TMEM38B: variants seen among roughly 807,000 people sequenced by gnomAD.
The protein encoded by TMEM38B is transmembrane protein 38B.
Under a neutral mutation model 28.7 loss-of-function variants are expected in TMEM38B, and 24 were observed. The ratio of observed to expected loss-of-function variants is 0.84; its 90% CI spans 0.61 to 1.18. The LOEUF is 1.18. TMEM38B is among the 50% of genes most tolerant of loss of function. The pLI is 0.00. For missense variants in TMEM38B, 380 were observed against 350.9 expected (o/e 1.08, Z -0.66); for synonymous variants, 131 against 127.7 (o/e 1.03, Z -0.17).
chr9:105,706,684 TTC>T (rs566379176), intron 2 of TMEM38B, among the ~76,000 whole-genome samples: 1 of 152,058 alleles, frequency 6.6e-6, no homozygotes, highest in African/African-American at 2.4e-5. Flanking sequence ...GAATTTGTCT[TTC>T]TCTCTCTTTT....
chr9:105,772,517 G>T (rs964698340), intron 5 of TMEM38B, among the ~76,000 whole-genome samples: 4 of 152,086 alleles, frequency 2.6e-5, no homozygotes, highest in Non-Finnish European at 4.4e-5. Context: ...GCCCCATCAG[G>T]TTCTGCCTAT....
intron 4 of TMEM38B, 21 bp from the exon 5 acceptor site, chr9:105,748,052 T>TA: frequency 1.3e-6 from 2 of 1,516,910 alleles, no homozygotes; most frequent in Non-Finnish European, 1.8e-6. Flanking sequence ...CTTGCTGATT[T>TA]AAAATGTGTT....
chr9:105,748,048 G>C (rs1837493322), intron 4 of TMEM38B, 25 bp from the exon 5 acceptor site: 1 of 1,490,334 alleles, frequency 6.7e-7, no homozygotes, highest in Non-Finnish European at 9.3e-7. Flanking sequence ...ATTACTTGCT[G>C]ATTTAAAATG....
chr9:105,760,055 C>G, intron 5 of TMEM38B: 1 of 1,188,376 alleles, frequency 8.4e-7, no homozygotes, highest in Non-Finnish European at 1.2e-6. Context: ...CTTCCAGCTT[C>G]TTCTGTGTTG....
At chr9:105,755,833 G>A (rs1453385809) in intron 5 of TMEM38B, among the ~76,000 whole-genome samples, 1 of 152,002 alleles carries the variant, frequency 6.6e-6, no homozygotes, top group East Asian at 1.9e-4. Flanking sequence ...TCACTTCCAG[G>A]CTGTTTATTA....
intron 5 of TMEM38B, among the ~76,000 whole-genome samples, chr9:105,765,830 C>G (rs938391761): frequency 1.3e-5 from 2 of 151,698 alleles, no homozygotes; most frequent in African/African-American, 4.8e-5. Context: ...GAGACGGAGT[C>G]TTGCTCTGTC....
intron 5 of TMEM38B, 121 bp from the exon 6 acceptor site, chr9:105,773,744 A>T: frequency 1.2e-6 from 1 of 846,170 alleles, no homozygotes; most frequent in Non-Finnish European, 1.8e-6. Flanking sequence ...AATCTAGCTT[A>T]GATTGCTTCC....
chr9:105,748,926 A>G (rs1354568089), intron 5 of TMEM38B: 2 of 400,956 alleles, frequency 5.0e-6, no homozygotes, highest in African/African-American at 2.1e-5. Flanking sequence ...ATTTAAGTCT[A>G]GAAAATTTTA....
intron 4 of TMEM38B, among the ~76,000 whole-genome samples, chr9:105,746,308 G>C (rs1254874562): frequency 6.6e-6 from 1 of 152,082 alleles, no homozygotes; most frequent in East Asian, 1.9e-4. Context: ...TTATAAGTGG[G>C]ATTCCTAGGT....
chr9:105,768,703 T>G (rs1198670751), intron 5 of TMEM38B, among the ~76,000 whole-genome samples: 1 of 152,168 alleles, frequency 6.6e-6, no homozygotes, highest in Non-Finnish European at 1.5e-5. Context: ...TTGATAATAG[T>G]TTTTTGTTAT....
intron 4 of TMEM38B, among the ~76,000 whole-genome samples, chr9:105,740,514 T>A (rs1282871563): frequency 6.6e-6 from 1 of 151,876 alleles, no homozygotes; most frequent in Admixed American, 6.6e-5. Flanking sequence ...CGATCCACCC[T>A]CTTAGCCTCC....
chr9:105,731,876 C>G (rs562315321), intron 4 of TMEM38B, among the ~76,000 whole-genome samples: 13 of 152,128 alleles, frequency 8.5e-5, no homozygotes, highest in African/African-American at 2.7e-4. Flanking sequence ...CCTGAGGAAT[C>G]GCCACACTGT....
chr9:105,772,919 A>G (rs765844995), intron 5 of TMEM38B, among the ~76,000 whole-genome samples: 59 of 152,108 alleles, frequency 3.9e-4, no homozygotes, highest in Non-Finnish European at 1.6e-4. Flanking sequence ...TGTGATGAAT[A>G]TATACTTTTC....
chr9:105,696,303 T>A (rs1437249103), intron 1 of TMEM38B, among the ~76,000 whole-genome samples: 5 of 151,920 alleles, frequency 3.3e-5, no homozygotes, highest in South Asian at 2.1e-4. Flanking sequence ...TATTATTATT[T>A]TTGAGACGGA....
chr9:105,732,882 C>G (rs1564400545), intron 4 of TMEM38B, among the ~76,000 whole-genome samples: 1 of 152,174 alleles, frequency 6.6e-6, no homozygotes, highest in Non-Finnish European at 1.5e-5. Flanking sequence ...GACACTGAAT[C>G]TATAAATTAC....
At chr9:105,719,406 G>T (rs1310408934) in intron 2 of TMEM38B, among the ~76,000 whole-genome samples, 2 of 152,114 alleles carry the variant, frequency 1.3e-5, no homozygotes, top group Non-Finnish European at 2.9e-5. Flanking sequence ...GTTTACAGAA[G>T]GGTTACAAGG....
chr9:105,745,245 C>T (rs1564406919), intron 4 of TMEM38B, among the ~76,000 whole-genome samples: 1 of 152,140 alleles, frequency 6.6e-6, no homozygotes, highest in African/African-American at 2.4e-5. Context: ...CTCTCCAGCA[C>T]CTGTTGTTTC....
intron 5 of TMEM38B, among the ~76,000 whole-genome samples, chr9:105,770,722 T>C (rs981100921): frequency 1.3e-5 from 2 of 152,116 alleles, no homozygotes; most frequent in Non-Finnish European, 2.9e-5. Flanking sequence ...GTGACTTTCA[T>C]TGGAAGATAC....
intron 1 of TMEM38B, among the ~76,000 whole-genome samples, chr9:105,695,344 C>A (rs1228145475): frequency 1.3e-5 from 2 of 152,202 alleles, no homozygotes; most frequent in African/African-American, 4.8e-5. Context: ...GACCAGGATT[C>A]CCCTTCACGC....
Sources: gnomAD v4.1 joint callset for allele counts (sites outside exome capture counted in the v4.1 genomes callset) on GRCh38, gnomAD v4.1.1 for gene constraint, MANE v1.5 for transcripts, NCBI Gene and HGNC (gene_info 2026-07-23, HGNC 2026-07-21) for gene names.